Variants in CHD9NB observed in about 807,000 individuals in gnomAD.
CHD9NB encodes the protein CHD9 neighbor protein.
chr16:53,041,304 C>T, the CHD9NB span, among the ~76,000 whole-genome samples: 2 of 152,326 alleles, frequency 1.3e-5, no homozygotes, highest in Admixed American at 6.5e-5. Flanking sequence ...TAGAAATTCT[C>T]GAACCTCAAA....
the CHD9NB span, among the ~76,000 whole-genome samples, chr16:53,048,042 G>T: frequency 6.9e-6 from 1 of 144,656 alleles, no homozygotes; most frequent in Non-Finnish European, 1.5e-5. Flanking sequence ...GGAAAGGGAA[G>T]GGAGGGAGGG....
chr16:53,044,253 C>T, the CHD9NB span: 1 of 397,770 alleles, frequency 2.5e-6, no homozygotes, highest in Middle Eastern at 6.3e-4. Flanking sequence ...AATAACCATC[C>T]TCTTGCAGCA....
the CHD9NB span, among the ~76,000 whole-genome samples, chr16:53,049,840 G>C: frequency 6.6e-6 from 1 of 152,180 alleles, no homozygotes; most frequent in African/African-American, 2.4e-5. Flanking sequence ...TGTACATGCT[G>C]TATGCCCTTC....
At chr16:53,045,375 G>C in the CHD9NB span, among the ~76,000 whole-genome samples, 1 of 152,128 alleles carries the variant, frequency 6.6e-6, no homozygotes, top group Admixed American at 6.6e-5. Flanking sequence ...GGGACACATG[G>C]GTAAAGGTTT....
the CHD9NB span, among the ~76,000 whole-genome samples, chr16:53,044,532 G>A: frequency 6.6e-6 from 1 of 152,202 alleles, no homozygotes; most frequent in Non-Finnish European, 1.5e-5. Flanking sequence ...TATGCAACGG[G>A]CTGTAGCCTG....
chr16:53,039,848 G>A, the CHD9NB span, among the ~76,000 whole-genome samples: 4 of 152,066 alleles, frequency 2.6e-5, no homozygotes, highest in Admixed American at 6.5e-5. Context: ...TCAGGCTGAC[G>A]TTGAAGAATG....
At chr16:53,042,365 C>T in the CHD9NB span, among the ~76,000 whole-genome samples, 1 of 150,262 alleles carries the variant, frequency 6.7e-6, no homozygotes, top group East Asian at 2.0e-4. Flanking sequence ...TTTCATCTCC[C>T]TACCTCTTCC....
chr16:53,040,564 C>G, the CHD9NB span, among the ~76,000 whole-genome samples: 1 of 152,102 alleles, frequency 6.6e-6, no homozygotes, highest in Non-Finnish European at 1.5e-5. Context: ...TGGGTCTCAT[C>G]GAGACTGGAA....
the CHD9NB span, among the ~76,000 whole-genome samples, chr16:53,051,838 T>C: frequency 1.4e-5 from 2 of 145,842 alleles, no homozygotes; most frequent in Non-Finnish European, 3.0e-5. Flanking sequence ...TCCTGTTCCA[T>C]ATATAAAGCA....
At chr16:53,045,889 T>C in the CHD9NB span, among the ~76,000 whole-genome samples, 1 of 152,130 alleles carries the variant, frequency 6.6e-6, no homozygotes, top group African/African-American at 2.4e-5. Flanking sequence ...CCAGAGCCTG[T>C]GATCTTCCCA....
At chr16:53,049,974 T>A in the CHD9NB span, among the ~76,000 whole-genome samples, 1 of 151,984 alleles carries the variant, frequency 6.6e-6, no homozygotes, top group Non-Finnish European at 1.5e-5. Context: ...GAGGCCGAGG[T>A]GGGCGGATCA....
chr16:53,051,763 GTATAAATATATATATATATATATATA>G, the CHD9NB span, among the ~76,000 whole-genome samples: 2 of 87,200 alleles, frequency 2.3e-5, no homozygotes, highest in African/African-American at 1.3e-4. Flanking sequence ...CAACTTAAAA[GTATAAATATATATATATATATATATA>G]TATATATATA....
chr16:53,042,393 T>C, the CHD9NB span, among the ~76,000 whole-genome samples: 5 of 146,198 alleles, frequency 3.4e-5, no homozygotes, highest in Non-Finnish European at 6.0e-5. Context: ...TCCCTCTCCT[T>C]CTTTCCCTCC....
chr16:53,037,006 G>C, the CHD9NB span, among the ~76,000 whole-genome samples: 2 of 152,184 alleles, frequency 1.3e-5, no homozygotes, highest in South Asian at 4.2e-4. Context: ...CACGATCTCA[G>C]CTCACTGCAA....
At chr16:53,043,922 G>A in the CHD9NB span, 3 of 398,264 alleles carry the variant, frequency 7.5e-6, no homozygotes, top group Non-Finnish European at 1.3e-5. Flanking sequence ...GCTTCTCAGG[G>A]TGGGGATTGT....
chr16:53,050,409 G>A, the CHD9NB span, among the ~76,000 whole-genome samples: 41,821 of 152,002 alleles, frequency 0.28, 7,148 homozygotes, highest in Non-Finnish European at 0.38. Flanking sequence ...TTGGGAGGCT[G>A]AGGTGGCAGA....
the CHD9NB span, among the ~76,000 whole-genome samples, chr16:53,040,667 T>G: frequency 1.3e-5 from 2 of 152,088 alleles, no homozygotes; most frequent in Non-Finnish European, 2.9e-5. Flanking sequence ...TGGCATAGAG[T>G]AGTTGCCCAG....
chr16:53,047,033 A>G, the CHD9NB span, among the ~76,000 whole-genome samples: 1 of 152,234 alleles, frequency 6.6e-6, no homozygotes, highest in African/African-American at 2.4e-5. Flanking sequence ...GAAATGAGGT[A>G]TGGGCAACCC....
the CHD9NB span, among the ~76,000 whole-genome samples, chr16:53,050,309 C>G: frequency 6.6e-6 from 1 of 152,108 alleles, no homozygotes; most frequent in Non-Finnish European, 1.5e-5. Flanking sequence ...GAGTTTGAGA[C>G]CAGCCTGAGC....
Sources: gnomAD v4.1 joint callset for allele counts (sites outside exome capture counted in the v4.1 genomes callset) on GRCh38, gnomAD v4.1.1 for gene constraint, MANE v1.5 for transcripts, NCBI Gene and HGNC (gene_info 2026-07-23, HGNC 2026-07-21) for gene names.